Variants in SLC4A7 observed in about 807,000 individuals in gnomAD.
SLC4A7 encodes the protein solute carrier family 4 member 7, also known as sodium bicarbonate cotransporter 3.
Under a neutral mutation model 137.6 loss-of-function variants are expected in SLC4A7, and 51 were observed. The ratio of observed to expected loss-of-function variants is 0.37; its 90% CI spans 0.30 to 0.47. SLC4A7 has a LOEUF of 0.47. SLC4A7 is among the 20% of genes least tolerant of loss of function. The pLI is 1.00. For missense variants in SLC4A7, 1,247 were observed against 1,525.4 expected (o/e 0.82, Z 3.04); for synonymous variants, 542 against 518.6 (o/e 1.05, Z -0.61).
intron 18 of SLC4A7, among the ~76,000 whole-genome samples, chr3:27,396,296 C>T (rs2052154558): frequency 6.6e-6 from 1 of 152,018 alleles, no homozygotes; most frequent in African/African-American, 2.4e-5. Context: ...TTAAGAGTTC[C>T]TTGATTTGCT....
chr3:27,407,552 C>A (rs2053507196), intron 13 of SLC4A7, among the ~76,000 whole-genome samples: 1 of 151,946 alleles, frequency 6.6e-6, no homozygotes, highest in African/African-American at 2.4e-5. Context: ...TTCCATTGTA[C>A]CCATCAGAAG....
At chr3:27,481,306 T>C (rs952210521) in intron 1 of SLC4A7, among the ~76,000 whole-genome samples, 1 of 152,152 alleles carries the variant, frequency 6.6e-6, no homozygotes, top group Admixed American at 6.5e-5. Context: ...CAGTGAAAAT[T>C]AGAGAATTTT....
chr3:27,437,621 G>A (rs1190620380), intron 3 of SLC4A7, 95 bp from the exon 4 acceptor site: 2 of 614,550 alleles, frequency 3.3e-6, no homozygotes, highest in African/African-American at 1.9e-5. Context: ...TTTGTTACCT[G>A]TATAAACAAA....
At position 27,375,052 on chromosome 3, in the gene SLC4A7, T is replaced by C. The variant is rs908539145; in HGVS notation, c.*1712A>G. 11 of 152,020 alleles carry C rather than the reference T, an allele frequency of 7.2e-5. No homozygotes were observed. Among genetic ancestry groups the C allele is most frequent in the Admixed American group, 5.2e-4 (8 of 15,274 alleles). 9.4% of individuals were successfully genotyped at this position (152,020 alleles called of 1,614,324 possible). ...AAGCAGCTACATTTCCAACCTCTCA[T>C]CCGAGGCAGAAGTTGAATCCATCAT... is the stretch of plus-strand genomic sequence containing the variant. On this transcript the variant is annotated 3_prime_UTR_variant, in exon 26 of 26. Coordinates refer to ENST00000454389, the MANE Select transcript of SLC4A7 (RefSeq NM_001321103.2).
intron 23 of SLC4A7, among the ~76,000 whole-genome samples, chr3:27,385,174 A>G (rs1451505125): frequency 6.6e-6 from 1 of 152,182 alleles, no homozygotes; most frequent in Admixed American, 6.5e-5. Flanking sequence ...TTGATTTTCA[A>G]ACAATACTCT....
At chr3:27,435,610 TG>T (rs1156244743) in intron 5 of SLC4A7, among the ~76,000 whole-genome samples, 2 of 152,094 alleles carry the variant, frequency 1.3e-5, no homozygotes, top group South Asian at 2.1e-4. Context: ...CAAGCCAAAG[TG>T]GGCAGGTTGT....
chr3:27,463,741 C>G (rs538290747), intron 1 of SLC4A7, among the ~76,000 whole-genome samples: 2 of 152,068 alleles, frequency 1.3e-5, no homozygotes, highest in African/African-American at 4.8e-5. Flanking sequence ...CGGGGAAGAG[C>G]CTGACCCCTC....
chr3:27,418,700 C>T, intron 10 of SLC4A7, 68 bp from the exon 11 acceptor site: 1 of 884,694 alleles, frequency 1.1e-6, no homozygotes, highest in South Asian at 1.6e-5. Flanking sequence ...AGTAAATCCA[C>T]TCTGGATATC....
Position 27,448,840 on chromosome 3 carries a change from GAA to G in SLC4A7, c.143-45_143-44del, listed in dbSNP as rs747930178. On this transcript the variant is annotated intron_variant, in intron 2 of 25. Coordinates refer to ENST00000454389, the MANE Select transcript of SLC4A7 (RefSeq NM_001321103.2). ...AACATATTACTAGCTTTCCAAAAGA[GAA>G]AAAAGTGATATATACAAAAGTACTC... The G allele has an allele frequency of 3.1e-5, 46 of 1,462,468 alleles. No individual in the cohort carries two copies. In the African/African-American group the frequency reaches 5.9e-4, roughly 19 times the overall value. The allele number at this position is 1,462,468 out of a possible 1,614,324, so 90.6% of individuals were successfully genotyped here.
intron 3 of SLC4A7, among the ~76,000 whole-genome samples, chr3:27,445,977 T>C (rs1259484932): frequency 8.4e-6 from 1 of 119,104 alleles, no homozygotes; most frequent in Non-Finnish European, 1.7e-5. Context: ...TATATATATA[T>C]ATATATATAT....
chr3:27,472,659 A>C (rs948880640), intron 1 of SLC4A7, among the ~76,000 whole-genome samples: 1 of 152,206 alleles, frequency 6.6e-6, no homozygotes, highest in African/African-American at 2.4e-5. Context: ...TCACACCTCC[A>C]ATATGAATTC....
intron 20 of SLC4A7, 92 bp downstream of exon 20, chr3:27,394,426 G>C: frequency 8.8e-7 from 1 of 1,133,512 alleles, no homozygotes; most frequent in South Asian, 1.5e-5. Context: ...CTAATTTTAG[G>C]TATTTTAAGT....
intron 1 of SLC4A7, among the ~76,000 whole-genome samples, chr3:27,479,213 G>C (rs1468211093): frequency 6.6e-6 from 1 of 152,052 alleles, no homozygotes; most frequent in Non-Finnish European, 1.5e-5. Context: ...CAAGGAGTTC[G>C]ACATCAGCCT....
intron 20 of SLC4A7, among the ~76,000 whole-genome samples, chr3:27,392,763 T>G (rs2051705149): frequency 6.6e-6 from 1 of 151,826 alleles, no homozygotes; most frequent in Non-Finnish European, 1.5e-5. Flanking sequence ...GAGGCAGAGG[T>G]TGCAGTGAGC....
rs2049663623 is a variant in SLC4A7, at chr3:27,373,041, C to A, written c.*3723G>T. 2.2e-5 allele frequency: 3 copies of A among 138,440 alleles called. No homozygotes were observed. The highest frequency in any genetic ancestry group is 3.1e-5 in the Non-Finnish European group (2 of 64,582). 8.6% of individuals were successfully genotyped at this position (138,440 alleles called of 1,614,324 possible). ...TTTTATTTATTTAAACGTAGTTAAACATTGGAAGACAATCTCCCCCATGGG... is the reference window on the plus strand; with the variant it reads ...TTTTATTTATTTAAACGTAGTTAAAAATTGGAAGACAATCTCCCCCATGGG... On this transcript the variant is annotated 3_prime_UTR_variant, in exon 26 of 26. Transcript: ENST00000454389.
At chr3:27,445,686 G>A (rs1301772854) in intron 3 of SLC4A7, among the ~76,000 whole-genome samples, 3 of 149,844 alleles carry the variant, frequency 2.0e-5, no homozygotes, top group Admixed American at 6.7e-5. Flanking sequence ...GGGAGGCTGA[G>A]GCAGGCAGAT....
rs150162507 is a variant in SLC4A7 at position 27,421,670 on chromosome 3, G to A, written c.1376C>T (p.Ala459Val). 21 of 1,614,048 alleles carry A rather than the reference G, an allele frequency of 1.3e-5. No homozygotes were observed. In the South Asian group the frequency reaches 1.4e-4, roughly 11 times the overall value. ...CAACCCTGTAAGGAGGACAGCAGGAGCCAGTCTCACAAATGCAATTATTGG... is the reference window on the plus strand; with the variant it reads ...CAACCCTGTAAGGAGGACAGCAGGAACCAGTCTCACAAATGCAATTATTGG... Reference protein sequence around the residue: ...ERPIIAFVRLAPAVLLTGLTE... With the variant: ...ERPIIAFVRLVPAVLLTGLTE... The change falls in exon 9 of 26, where the codon GCT (alanine) becomes GTT (valine). Residue 459 changes from alanine (A) to valine (V), a missense_variant. Physicochemically the swap from Ala to Val is moderately conservative, Grantham distance 64 (BLOSUM62 0). This residue lies in a region of SLC4A7 where 499 missense variants were observed against 664.2 expected (regional missense o/e 0.75). Coordinates refer to ENST00000454389, the MANE Select transcript of SLC4A7 (RefSeq NM_001321103.2).
At chr3:27,388,196 A>G (rs985576458) in intron 22 of SLC4A7, among the ~76,000 whole-genome samples, 25 of 152,162 alleles carry the variant, frequency 1.6e-4, no homozygotes, top group Admixed American at 5.2e-4. Context: ...TTTGAAGCCA[A>G]AGTATCATTG....
chr3:27,379,648 T>A (rs1403216595), intron 24 of SLC4A7, among the ~76,000 whole-genome samples: 2 of 152,142 alleles, frequency 1.3e-5, no homozygotes. Context: ...TGCCCTCTGA[T>A]CACCTTGGCT....
Sources: gnomAD v4.1 joint callset for allele counts (sites outside exome capture counted in the v4.1 genomes callset) on GRCh38, gnomAD v4.1.1 for gene constraint, gnomAD v4.1.1 regional missense constraint, MANE v1.5 for transcripts, NCBI Gene and HGNC (gene_info 2026-07-23, HGNC 2026-07-21) for gene names.